Variants in CD2AP observed in about 807,000 individuals in gnomAD.
The protein encoded by CD2AP is CD2 associated protein.
CD2AP carries 46 observed loss-of-function variants against 85.1 expected under a neutral mutation model. That is an observed-to-expected ratio of 0.54 (90% CI 0.43 to 0.69). CD2AP has a LOEUF of 0.69. Among genes scored for constraint, CD2AP ranks in the 30% least tolerant of loss-of-function variants. The probability of loss-of-function intolerance (pLI) is 0.00; values close to 1 mark genes in which losing one functional copy is unlikely to be tolerated. For synonymous variants in CD2AP, 255 were observed against 252.9 expected (o/e 1.01, Z -0.08); for missense variants, 769 against 729.5 (o/e 1.05, Z -0.62).
intron 12 of CD2AP, 143 bp from the exon 13 acceptor site, chr6:47,599,158 G>A: frequency 1.6e-6 from 1 of 607,374 alleles, no homozygotes. Flanking sequence ...CCTTAGGAGA[G>A]AGTTTTGCGT....
At chr6:47,572,432 A>G (rs1196116848) in intron 5 of CD2AP, among the ~76,000 whole-genome samples, 1 of 152,068 alleles carries the variant, frequency 6.6e-6, no homozygotes, top group Admixed American at 6.5e-5. Flanking sequence ...TTAAAAATAT[A>G]TTACAAAACT....
chr6:47,508,891 G>A (rs943326194), intron 2 of CD2AP, among the ~76,000 whole-genome samples: 4 of 152,186 alleles, frequency 2.6e-5, no homozygotes, highest in African/African-American at 9.7e-5. Context: ...TCATTGGTGT[G>A]TTCACTGGAG....
chr6:47,615,634 A>G (rs1363643009), intron 17 of CD2AP, among the ~76,000 whole-genome samples: 2 of 151,836 alleles, frequency 1.3e-5, no homozygotes, highest in African/African-American at 4.8e-5. Flanking sequence ...TCATCTAAAC[A>G]CCCCATGATC....
intron 2 of CD2AP, among the ~76,000 whole-genome samples, chr6:47,505,227 ACTC>A (rs1251408671): frequency 7.0e-6 from 1 of 142,846 alleles, no homozygotes; most frequent in South Asian, 2.4e-4. Flanking sequence ...ATTGGTGATG[ACTC>A]TTAACGAGCA....
At chr6:47,485,644 C>T (rs1033204189) in intron 1 of CD2AP, among the ~76,000 whole-genome samples, 6 of 152,120 alleles carry the variant, frequency 3.9e-5, no homozygotes, top group Admixed American at 1.3e-4. Flanking sequence ...ATACTAATGT[C>T]CTAGGCCTTC....
chr6:47,522,711 A>T (rs1766628073), intron 2 of CD2AP, among the ~76,000 whole-genome samples: 1 of 151,972 alleles, frequency 6.6e-6, no homozygotes. Context: ...ATTTCTAGCA[A>T]TTTTTTTCTC....
At chr6:47,599,654 G>A (rs1405691127) in intron 13 of CD2AP, among the ~76,000 whole-genome samples, 1 of 151,952 alleles carries the variant, frequency 6.6e-6, no homozygotes, top group African/African-American at 2.4e-5. Context: ...AGACTTTATG[G>A]TTTCTTACTG....
chr6:47,512,458 C>T (rs1461624287), intron 2 of CD2AP, among the ~76,000 whole-genome samples: 1 of 152,174 alleles, frequency 6.6e-6, no homozygotes, highest in Non-Finnish European at 1.5e-5. Context: ...ATTCAGATAG[C>T]TATACTGAAG....
intron 12 of CD2AP, 34 bp from the exon 13 acceptor site, chr6:47,599,267 C>T (rs768186886): frequency 6.3e-7 from 1 of 1,593,144 alleles, no homozygotes; most frequent in Non-Finnish European, 8.6e-7. Context: ...GTGTTTCATA[C>T]TAGTGATTTT....
At chr6:47,603,185 C>G (rs1167378601) in intron 13 of CD2AP, among the ~76,000 whole-genome samples, 1 of 151,848 alleles carries the variant, frequency 6.6e-6, no homozygotes, top group Non-Finnish European at 1.5e-5. Context: ...CTTGATCATA[C>G]CATATTAAAG....
intron 1 of CD2AP, among the ~76,000 whole-genome samples, chr6:47,493,588 G>A (rs931000916): frequency 6.6e-6 from 1 of 151,962 alleles, no homozygotes; most frequent in Admixed American, 6.6e-5. Flanking sequence ...TTTTCCGGAT[G>A]TGTGGTTTGG....
At chr6:47,569,529 G>A (rs763049845) in intron 5 of CD2AP, among the ~76,000 whole-genome samples, 1 of 151,168 alleles carries the variant, frequency 6.6e-6, no homozygotes, top group Non-Finnish European at 1.5e-5. Context: ...ATCCCTCTAG[G>A]CTTTACCGGG....
chr6:47,578,040 T>C (rs1768360730), intron 8 of CD2AP, among the ~76,000 whole-genome samples: 1 of 131,446 alleles, frequency 7.6e-6, no homozygotes, highest in African/African-American at 2.6e-5. Flanking sequence ...ATAGTTACCT[T>C]TTTTGTTTTA....
intron 2 of CD2AP, among the ~76,000 whole-genome samples, chr6:47,524,851 T>C (rs6912197): frequency 0.61 from 92,460 of 151,396 alleles, 28,917 homozygotes; most frequent in Middle Eastern, 0.74. Flanking sequence ...TCAAAGTAGG[T>C]CTGCTATATC....
Position 47,503,376 on chromosome 6 carries a change from A to T in CD2AP, c.101A>T (p.Glu34Val). ...ATCAGGAATGTGAAAAAGCTACAGGAGGAAGGGTGGCTGGAAGGAGAACTA... is the reference window on the plus strand; with the variant it reads ...ATCAGGAATGTGAAAAAGCTACAGGTGGAAGGGTGGCTGGAAGGAGAACTA... ...EIIRNVKKLQ[E>V]EGWLEGELNG... Residue 34 changes from glutamate to valine, a missense_variant, in exon 2 of 18, where the codon GAG becomes GTG. Glu to Val is a moderately radical substitution (Grantham distance 121). Coordinates refer to ENST00000359314, the MANE Select transcript of CD2AP (RefSeq NM_012120.3). 6.2e-7 allele frequency: 1 copy of T among 1,613,842 alleles called. No individual in the cohort carries two copies. The highest frequency in any genetic ancestry group is 8.5e-7 in the Non-Finnish European group (1 of 1,179,798).
intron 3 of CD2AP, among the ~76,000 whole-genome samples, chr6:47,543,148 C>CAAAAAAAAAAAAAAAAAAAAAAAAAAA (rs11338409): frequency 2.5e-4 from 15 of 60,314 alleles, no homozygotes; most frequent in Admixed American, 4.9e-4. Context: ...AAGACTGTCT[C>CAAAAAAAAAAAAAAAAAAAAAAAAAAA]AAAAAAAAAA....
chr6:47,549,820 C>T (rs1767465441), intron 4 of CD2AP, among the ~76,000 whole-genome samples: 1 of 152,088 alleles, frequency 6.6e-6, no homozygotes, highest in Admixed American at 6.6e-5. Context: ...TACTATAAGG[C>T]CACAGTCACC....
At chr6:47,548,633 A>G (rs9367284) in intron 4 of CD2AP, among the ~76,000 whole-genome samples, 40,283 of 152,076 alleles carry the variant, frequency 0.26, 5,499 homozygotes, top group African/African-American at 0.31. Flanking sequence ...AGACATTCAA[A>G]TAATTGGTAC....
intron 1 of CD2AP, among the ~76,000 whole-genome samples, chr6:47,493,377 A>G (rs1387711592): frequency 7.3e-6 from 1 of 137,220 alleles, no homozygotes; most frequent in African/African-American, 2.7e-5. Flanking sequence ...CCAATGCTTT[A>G]AATATTTTAT....
Sources: allele counts gnomAD v4.1 joint callset (sites outside exome capture counted in the v4.1 genomes callset), GRCh38; gene constraint gnomAD v4.1.1; transcripts MANE v1.5; gene names NCBI Gene and HGNC (gene_info 2026-07-23, HGNC 2026-07-21).